The following VAMP3 variants were observed in gnomAD, a reference collection of about 807,000 sequenced individuals.
VAMP3 encodes the protein vesicle associated membrane protein 3.
VAMP3 carries 11 observed loss-of-function variants against 18.1 expected under a neutral mutation model. The observed-to-expected ratio is 0.61, with a 90% CI of 0.38 to 1.00. VAMP3 has a LOEUF of 1.00. Ranked by LOEUF, VAMP3 falls within the 50% of genes least tolerant of loss-of-function variation. VAMP3 has a pLI of 0.01. For missense variants in VAMP3, 122 were observed against 127.3 expected, an observed-to-expected ratio of 0.96 and a Z score of 0.20; for synonymous variants, 49 against 43.1, an observed-to-expected ratio of 1.14 and a Z score of -0.53.
At chr1:7,777,746 A>T (rs1293923062) in intron 3 of VAMP3, among the ~76,000 whole-genome samples, 1 of 152,232 alleles carries the variant, frequency 6.6e-6, no homozygotes, top group Non-Finnish European at 1.5e-5. Context: ...CAGGAGCACG[A>T]GCCAAAGCAG....
rs1305220215 is a variant in VAMP3, at chr1:7,777,170, T to C, written c.83T>C (p.Ile28Thr). Residue 28 changes from isoleucine (I) to threonine (T), a missense_variant, in exon 3 of 5, where the codon ATA becomes ACA. Physicochemically the swap from Ile to Thr is moderately conservative, Grantham distance 89 (BLOSUM62 -1). Transcript: ENST00000054666. ...TQNQVDEVVDIMRVNVDKVLE... is the reference protein window; with the variant it reads ...TQNQVDEVVDTMRVNVDKVLE... ...ATCACACTCATCTAGGTGGTGGACA[T>C]AATGCGAGTTAACGTGGACAAGGTT... The C allele has an allele frequency of 1.2e-6, 2 of 1,612,290 alleles. No homozygotes were observed. The highest frequency in any genetic ancestry group is 1.1e-5 in the South Asian group (1 of 90,642).
intron 3 of VAMP3, among the ~76,000 whole-genome samples, chr1:7,777,609 CCAAA>C (rs1321732953): frequency 6.6e-6 from 1 of 152,178 alleles, no homozygotes; most frequent in African/African-American, 2.4e-5. Flanking sequence ...CAGCAGGGCC[CCAAA>C]CAGATAGGAG....
Position 7,781,068 on chromosome 1 carries a change from T to C in VAMP3, c.*1423T>C, listed in dbSNP as rs1391947605. The C allele has an allele frequency of 6.5e-6, 1 of 152,838 alleles. No homozygotes were observed. Among genetic ancestry groups the C allele is most frequent in the African/African-American group, 2.4e-5 (1 of 41,470 alleles). The allele number at this position is 152,838 out of a possible 1,614,324, so 9.5% of individuals were successfully genotyped here. A position where few individuals can be genotyped will look rare whatever the true frequency, so the allele number is the denominator to read the frequency against. ...TGTTACTGGAATATTCTAAAACTCT[T>C]GTTCACATGCTATTATGACTTATAA... On this transcript the variant is annotated 3_prime_UTR_variant, in exon 5 of 5. Coordinates refer to ENST00000054666, the MANE Select transcript of VAMP3 (RefSeq NM_004781.4).
chr1:7,776,481 TC>T (rs1028029739), intron 2 of VAMP3: 17 of 152,196 alleles, frequency 1.1e-4, no homozygotes, highest in African/African-American at 3.6e-4. Context: ...ATTCTTCTTT[TC>T]CAATTTGGAT....
intron 1 of VAMP3, 92 bp downstream of exon 1, chr1:7,771,477 CACTCGGACGCA>C: frequency 2.2e-6 from 3 of 1,392,660 alleles, no homozygotes; most frequent in Non-Finnish European, 2.8e-6. Flanking sequence ...CGCCGGCCGC[CACTCGGACGCA>C]GGCCGGGGCT....
rs1399990006 is a variant in VAMP3, at chr1:7,780,776, C to T, written c.*1131C>T. On this transcript the variant is annotated 3_prime_UTR_variant, in exon 5 of 5. Transcript: ENST00000054666. ...TCCTAAATCAGTTTTCTAAATTATG[C>T]CTGCAATTAGGCATTGGTCAGGGGT... The T allele has an allele frequency of 6.6e-6, 1 of 152,356 alleles. No homozygotes were observed. The highest frequency in any genetic ancestry group is 1.5e-5 in the Non-Finnish European group (1 of 68,034). The allele number at this position is 152,356 out of a possible 1,614,324, so 9.4% of individuals were successfully genotyped here.
chr1:7,771,906 T>C (rs759959418), intron 1 of VAMP3, among the ~76,000 whole-genome samples: 2 of 152,256 alleles, frequency 1.3e-5, no homozygotes, highest in Non-Finnish European at 2.9e-5. Context: ...TGCAAACCCC[T>C]GCTTCCAGTG....
At chr1:7,775,357 A>AT (rs1026656806) in intron 2 of VAMP3, among the ~76,000 whole-genome samples, 7 of 148,422 alleles carry the variant, frequency 4.7e-5, no homozygotes, top group East Asian at 2.0e-4. Flanking sequence ...ATTTTTATTT[A>AT]TTTTTTTTGA....
chr1:7,778,118 A>C lies in VAMP3; in HGVS notation c.232A>C (p.Met78Leu), dbSNP rs1210447108. The C allele has an allele frequency of 3.1e-6, 5 of 1,614,174 alleles. No individual in the cohort carries two copies. The highest frequency in any genetic ancestry group is 4.2e-6 in the Non-Finnish European group (5 of 1,180,040). The change falls in exon 4 of 5, where the codon ATG (methionine) becomes CTG (leucine). Residue 78 changes from methionine (M) to leucine (L), a missense_variant and splice_region_variant. Coordinates refer to ENST00000054666, the MANE Select transcript of VAMP3 (RefSeq NM_004781.4). ...GATATGGACATATGTTTTGTTACAG[A>C]TGTGGGCAATCGGGATTACTGTTCT... ...KRKYWWKNCKMWAIGITVLVI... is the reference protein window; with the variant it reads ...KRKYWWKNCKLWAIGITVLVI...
chr1:7,778,346 C>A (rs971450781), intron 4 of VAMP3, among the ~76,000 whole-genome samples, 177 bp downstream of exon 4: 1 of 152,040 alleles, frequency 6.6e-6, no homozygotes, highest in African/African-American at 2.4e-5. Flanking sequence ...TGAGACCAGC[C>A]TGGGCAACAT....
At chr1:7,777,653 TTC>T (rs1262813561) in intron 3 of VAMP3, among the ~76,000 whole-genome samples, 4 of 152,200 alleles carry the variant, frequency 2.6e-5, no homozygotes, top group African/African-American at 9.7e-5. Flanking sequence ...TTTCTCGTAG[TTC>T]TGTGAATGGT....
Position 7,771,394 on chromosome 1 carries a change from C to T in VAMP3, c.2+9C>T. 1.3e-6 allele frequency: 2 copies of T among 1,580,764 alleles called. No individual in the cohort carries two copies. The highest frequency in any genetic ancestry group is 8.6e-7 in the Non-Finnish European group (1 of 1,168,260). ...GCCGCAGCTGCCAAAATGTGAGTGACGCTACGCGACGCGGGCGGCTTCGGG... is the reference window on the plus strand; with the variant it reads ...GCCGCAGCTGCCAAAATGTGAGTGATGCTACGCGACGCGGGCGGCTTCGGG... On this transcript the variant is annotated intron_variant, in intron 1 of 4. Transcript: ENST00000054666.
rs200029799 is a variant in VAMP3 at position 7,779,668 on chromosome 1, G to T, written c.*23G>T. 2.8e-4 allele frequency: 457 copies of T among 1,614,088 alleles called. 1 individual carries two copies. The African/African-American group carries it at 5.6e-3, about 20-fold the overall frequency. On this transcript the variant is annotated 3_prime_UTR_variant, in exon 5 of 5. Transcript: ENST00000054666. Reference sequence around the variant, plus strand: ...TGAAGAACCAGCGGAACTCAAAACTGCTGTTCAAGAAACCTCTTCAAGACT... The same window carrying T: ...TGAAGAACCAGCGGAACTCAAAACTTCTGTTCAAGAAACCTCTTCAAGACT...
At chr1:7,774,247 C>G (rs1452181712) in intron 2 of VAMP3, among the ~76,000 whole-genome samples, 4 of 152,154 alleles carry the variant, frequency 2.6e-5, no homozygotes, top group Non-Finnish European at 5.9e-5. Context: ...ATGTTTTGAT[C>G]TGATGGTTTT....
chr1:7,776,867 C>T (rs112175326), intron 2 of VAMP3: 17 of 202,618 alleles, frequency 8.4e-5, no homozygotes, highest in African/African-American at 2.1e-4. Context: ...AGTGCAATGA[C>T]GCAGTCTCAC....
intron 1 of VAMP3, among the ~76,000 whole-genome samples, chr1:7,772,064 C>T (rs181220259): frequency 6.6e-6 from 1 of 152,306 alleles, no homozygotes; most frequent in East Asian, 1.9e-4. Flanking sequence ...GGCTGCTGTG[C>T]CAATAGATCA....
At chr1:7,775,594 C>T (rs2097053963) in intron 2 of VAMP3, among the ~76,000 whole-genome samples, 1 of 152,218 alleles carries the variant, frequency 6.6e-6, no homozygotes, top group African/African-American at 2.4e-5. Flanking sequence ...GGTGATCCAC[C>T]TGCCTGGGCC....
intron 3 of VAMP3, 147 bp from the exon 4 acceptor site, chr1:7,777,971 A>T: frequency 2.4e-6 from 2 of 822,130 alleles, no homozygotes; most frequent in African/African-American, 1.7e-5. Flanking sequence ...GAGAACATTT[A>T]ATTTAGGCTT....
intron 1 of VAMP3, 81 bp downstream of exon 1, chr1:7,771,466 C>T (rs553313899): frequency 7.8e-6 from 11 of 1,409,952 alleles, no homozygotes; most frequent in African/African-American, 6.0e-5. Flanking sequence ...TGCCCAGTTG[C>T]CGCCGGCCGC....
Sources: allele counts gnomAD v4.1 joint callset (sites outside exome capture counted in the v4.1 genomes callset), GRCh38; gene constraint gnomAD v4.1.1; transcripts MANE v1.5; gene names NCBI Gene and HGNC (gene_info 2026-07-23, HGNC 2026-07-21).